WNT2B: variants seen among roughly 807,000 people sequenced by gnomAD.
WNT2B encodes protein Wnt-2b.
A neutral mutation model predicts 40.5 loss-of-function variants in WNT2B; 19 were observed. The ratio of observed to expected loss-of-function variants is 0.47; its 90% CI spans 0.33 to 0.69. The LOEUF is 0.69. WNT2B is among the 30% of genes least tolerant of loss of function. WNT2B has a pLI of 0.02. For synonymous variants in WNT2B, 220 were observed against 211.9 expected, an observed-to-expected ratio of 1.04 and a Z score of -0.33; for missense variants, 467 against 556.4, an observed-to-expected ratio of 0.84 and a Z score of 1.62.
chr1:112,518,875 T>C (rs1021401354), intron 4 of WNT2B, among the ~76,000 whole-genome samples: 2 of 152,248 alleles, frequency 1.3e-5, no homozygotes, highest in Admixed American at 1.3e-4. Context: ...TCTGTGATGA[T>C]AGAAATGTTT....
At chr1:112,498,256 T>A (rs551950486) in intron 1 of WNT2B, among the ~76,000 whole-genome samples, 1 of 151,808 alleles carries the variant, frequency 6.6e-6, no homozygotes, top group Non-Finnish European at 1.5e-5. Context: ...TTTTTTTTTT[T>A]AGTTTGTTTT....
intron 1 of WNT2B, among the ~76,000 whole-genome samples, chr1:112,476,776 G>A (rs1651066424): frequency 6.6e-6 from 1 of 152,156 alleles, no homozygotes; most frequent in Admixed American, 6.5e-5. Context: ...CAGGGTCCAT[G>A]CTGCTGTGTC....
Position 112,515,235 on chromosome 1 carries a change from A to G in WNT2B, c.403+141A>G, listed in dbSNP as rs920703593. 4.5e-5 allele frequency: 47 copies of G among 1,038,044 alleles called. 1 individual carries two copies. The highest frequency in any genetic ancestry group is 6.4e-5 in the African/African-American group (4 of 62,698). 64.3% of individuals were successfully genotyped at this position (1,038,044 alleles called of 1,614,324 possible). On this transcript the variant is annotated intron_variant, in intron 2 of 4. Coordinates refer to ENST00000369684, the MANE Select transcript of WNT2B (RefSeq NM_024494.3). This position sits in a 1 kb window ranked among gnomAD's most constrained non-coding sequence, Gnocchi z 4.4. ...GAAAGAACTGTGGGCAGAGCCCAGG[A>G]TATAATTGGGAACAGACTCTTAGCA... is the stretch of plus-strand genomic sequence containing the variant.
In WNT2B at chr1:112,520,740, A is replaced by G; in HGVS notation, c.*231A>G. 1 of 586,854 alleles carries G rather than the reference A, an allele frequency of 1.7e-6. No individual in the cohort carries two copies. The highest frequency in any genetic ancestry group is 3.0e-6 in the Non-Finnish European group (1 of 330,912). The allele number at this position is 586,854 out of a possible 1,614,324, so 36.4% of individuals were successfully genotyped here. On this transcript the variant is annotated 3_prime_UTR_variant, in exon 5 of 5. Coordinates refer to ENST00000369684, the MANE Select transcript of WNT2B (RefSeq NM_024494.3). ...CAAGCTCCCTGATTTCCCGCTCTGG[A>G]GATTTGAAGGGAGAGTAGAAGAGAT...
chr1:112,496,269 C>T lies in WNT2B; in HGVS notation c.-94-18605C>T, dbSNP rs1213942948. On this transcript the variant is annotated intron_variant, in intron 1 of 4. Coordinates refer to the WNT2B transcript ENST00000256640. Reference sequence around the variant, plus strand: ...AGCTAGGACTACAGGCATTTGCCAGCACTCCTGGCTAAGTTTCAACATGAA... The same window carrying T: ...AGCTAGGACTACAGGCATTTGCCAGTACTCCTGGCTAAGTTTCAACATGAA... 5.9e-5 allele frequency among the ~76,000 whole-genome samples: 9 copies of T among 152,274 alleles called. No homozygotes were observed. In the South Asian group the frequency reaches 1.0e-3, roughly 18 times the overall value.
intron 1 of WNT2B, among the ~76,000 whole-genome samples, chr1:112,488,489 TAA>T (rs939697043): frequency 8.6e-5 from 13 of 151,998 alleles, no homozygotes; most frequent in African/African-American, 3.1e-4. Flanking sequence ...TGTAAATAAC[TAA>T]AGAGTGTTTA....
chr1:112,516,509 G>T, intron 3 of WNT2B, 92 bp downstream of exon 3: 2 of 1,490,178 alleles, frequency 1.3e-6, no homozygotes, highest in South Asian at 1.4e-5. Context: ...AGATGGAAGA[G>T]CTGAAGGCTT....
chr1:112,517,255 T>G lies in WNT2B; in HGVS notation c.816T>G (p.Ala272=), dbSNP rs141070301. 3.1e-6 allele frequency: 5 copies of G among 1,614,226 alleles called. No homozygotes were observed. In the South Asian group the frequency reaches 5.5e-5, roughly 18 times the overall value. ...ACCTGCGGCGACGCTATGATGGGGCTGTGCAGGTGATGGCCACCCAAGATG... is the reference window on the plus strand; with the variant it reads ...ACCTGCGGCGACGCTATGATGGGGCGGTGCAGGTGATGGCCACCCAAGATG... ...GDYLRRRYDG[A]VQVMATQDGA... Residue 272 remains alanine, a synonymous_variant, in exon 4 of 5, where the codon GCT becomes GCG. Coordinates refer to ENST00000369684, the MANE Select transcript of WNT2B (RefSeq NM_024494.3).
chr1:112,510,934 G>A (rs996893310), intron 1 of WNT2B, among the ~76,000 whole-genome samples: 3 of 152,154 alleles, frequency 2.0e-5, no homozygotes, highest in African/African-American at 4.8e-5. Flanking sequence ...TCTTTGTTGA[G>A]ACAACATGAA....
upstream of WNT2B, among the ~76,000 whole-genome samples, chr1:112,506,941 A>T (rs1652124077): frequency 6.6e-6 from 1 of 152,144 alleles, no homozygotes; most frequent in Admixed American, 6.5e-5. Context: ...ACTGCCTCCC[A>T]TTCATGACTT....
chr1:112,501,816 G>C (rs1283894336), intron 1 of WNT2B, among the ~76,000 whole-genome samples: 1 of 152,250 alleles, frequency 6.6e-6, no homozygotes, highest in South Asian at 2.1e-4. Flanking sequence ...TGCGCGCTTC[G>C]TCTGCAGGTA....
chr1:112,512,325 C>G (rs539296429), intron 1 of WNT2B, among the ~76,000 whole-genome samples: 1 of 152,148 alleles, frequency 6.6e-6, no homozygotes, highest in Non-Finnish European at 1.5e-5. Flanking sequence ...TGAACAAAAC[C>G]GACAAAAATC....
At chr1:112,484,428 G>A (rs1025592725) in intron 1 of WNT2B, among the ~76,000 whole-genome samples, 1 of 150,774 alleles carries the variant, frequency 6.6e-6, no homozygotes, top group Non-Finnish European at 1.5e-5. Context: ...AGCCTCCTGA[G>A]TGGCTAATTT....
At chr1:112,496,623 G>A (rs530699582) in intron 1 of WNT2B, among the ~76,000 whole-genome samples, 3 of 150,062 alleles carry the variant, frequency 2.0e-5, no homozygotes, top group African/African-American at 4.9e-5. Context: ...TTTTCGAGAC[G>A]GAGTTTCACT....
rs1451917269 is a variant in WNT2B at position 112,470,371 on chromosome 1, C to A, written c.-95+2780C>A. ...TGGGAGGCTGAGGCGGGTGGATCAC[C>A]TGAGGACGGGAGTTTGAGACCAGCC... On this transcript the variant is annotated intron_variant, in intron 1 of 4. Coordinates refer to the WNT2B transcript ENST00000256640. Among the ~76,000 whole-genome samples the A allele has an allele frequency of 2.0e-5, 3 of 152,052 alleles. No homozygotes were observed. In the East Asian group the frequency reaches 5.8e-4, roughly 29 times the overall value.
intron 1 of WNT2B, among the ~76,000 whole-genome samples, chr1:112,495,754 G>A (rs919166711): frequency 9.2e-5 from 14 of 152,274 alleles, no homozygotes; most frequent in East Asian, 5.8e-4. Context: ...ATTTTCATCT[G>A]TTTTGCTGCC....
chr1:112,509,667 C>T lies in WNT2B; in HGVS notation c.182+223C>T, dbSNP rs1652276148. ...GCGCTGGGCATTCGGAGCAAGGATGCCCGGTGGTCGCGGCTCCTTAGGCCT... is the reference window on the plus strand; with the variant it reads ...GCGCTGGGCATTCGGAGCAAGGATGTCCGGTGGTCGCGGCTCCTTAGGCCT... On this transcript the variant is annotated intron_variant, in intron 1 of 4. Coordinates refer to ENST00000369684, the MANE Select transcript of WNT2B (RefSeq NM_024494.3). This position sits in a 1 kb window ranked among gnomAD's most constrained non-coding sequence, Gnocchi z 4.2. Among the ~76,000 whole-genome samples the T allele has an allele frequency of 6.6e-6, 1 of 152,222 alleles. No individual in the cohort carries two copies. Among genetic ancestry groups the T allele is most frequent in the South Asian group, 2.1e-4 (1 of 4,828 alleles).
At chr1:112,479,574 A>T (rs1480745959) in intron 1 of WNT2B, among the ~76,000 whole-genome samples, 2 of 151,982 alleles carry the variant, frequency 1.3e-5, no homozygotes, top group Non-Finnish European at 2.9e-5. Flanking sequence ...ACTCCATTTT[A>T]AAAAAAATTT....
At chr1:112,517,858 T>G (rs1455117989) in intron 4 of WNT2B, 1 of 158,436 alleles carries the variant, frequency 6.3e-6, no homozygotes, top group Non-Finnish European at 1.4e-5. Context: ...AAACTAGAAT[T>G]TAAGCTGCTC....
Sources: allele counts gnomAD v4.1 joint callset (sites outside exome capture counted in the v4.1 genomes callset), GRCh38; gene constraint gnomAD v4.1.1; non-coding constraint Gnocchi (gnomAD v3.1); transcripts MANE v1.5; gene names NCBI Gene and HGNC (gene_info 2026-07-23, HGNC 2026-07-21).